Variants in DENND3 observed in about 807,000 individuals in gnomAD.
The protein encoded by DENND3 is DENN domain-containing protein 3.
In DENND3, 88 loss-of-function variants were observed where a neutral mutation model predicts 135.1. The ratio of observed to expected loss-of-function variants is 0.65; its 90% CI spans 0.55 to 0.78. DENND3 has a LOEUF of 0.78. Among genes scored for constraint, DENND3 ranks in the 30% least tolerant of loss-of-function variants. DENND3 has a pLI of 0.00. For missense variants in DENND3, 1,392 were observed against 1,688.4 expected (o/e 0.82, Z 3.08); for synonymous variants, 693 against 712.3 (o/e 0.97, Z 0.43).
intron 17 of DENND3, 138 bp from the exon 18 acceptor site, chr8:141,185,001 A>AGAGG: frequency 9.0e-7 from 1 of 1,109,414 alleles, no homozygotes. Flanking sequence ...CTGCCTGGGC[A>AGAGG]CGTCTTTGTA....
chr8:141,193,894 C>G, intron 22 of DENND3, 139 bp from the exon 23 acceptor site: 1 of 964,974 alleles, frequency 1.0e-6, no homozygotes, highest in East Asian at 2.6e-5. Flanking sequence ...GCGGCCCTGA[C>G]CCTCAGGCGG....
At chr8:141,136,388 G>A in intron 1 of DENND3, 121 bp from the exon 2 acceptor site, 1 of 1,054,750 alleles carries the variant, frequency 9.5e-7, no homozygotes, top group Non-Finnish European at 1.3e-6. Context: ...AGGAGCCTGA[G>A]GCGCCAGTGT....
chr8:141,190,050 T>G (rs1204323804), intron 19 of DENND3, among the ~76,000 whole-genome samples: 1 of 152,206 alleles, frequency 6.6e-6, no homozygotes, highest in Non-Finnish European at 1.5e-5. Context: ...CCGAGTCAGT[T>G]ACATTTGAGC....
chr8:141,132,869 C>A (rs1420291326), intron 1 of DENND3, among the ~76,000 whole-genome samples: 1 of 152,172 alleles, frequency 6.6e-6, no homozygotes, highest in Admixed American at 6.5e-5. Flanking sequence ...TCAGTCCAGG[C>A]TGAGCATGCC....
In DENND3 at chr8:141,138,573, A is replaced by G. The variant is rs555582462; in HGVS notation, c.501+436A>G. On this transcript the variant is annotated intron_variant, in intron 3 of 22. Coordinates refer to ENST00000519811, the MANE Select transcript of DENND3 (RefSeq NM_001352890.3). The surrounding 1 kb of genome is among the most constrained non-coding windows in gnomAD (Gnocchi z 4.8). ...GCTAATTTTTGTGTTTTTAGTGGAG[A>G]CGGGGTTTCACCATGTTGGCCGGGC... Among the ~76,000 whole-genome samples, 9 of 151,918 alleles carry G rather than the reference A, an allele frequency of 5.9e-5. 1 individual carries two copies. In the South Asian group the frequency reaches 1.7e-3, roughly 28 times the overall value.
chr8:141,179,588 C>CA (rs1161192310), intron 16 of DENND3, among the ~76,000 whole-genome samples: 3 of 152,208 alleles, frequency 2.0e-5, no homozygotes, highest in African/African-American at 4.8e-5. Flanking sequence ...TGGAAGGTCT[C>CA]AGACTGTACG....
At position 141,195,118 on chromosome 8, in the gene DENND3, ATGTGTACGCGCAGCATGCTATACTG is replaced by A. The variant is rs1310294524; in HGVS notation, c.*886_*910del. On this transcript the variant is annotated 3_prime_UTR_variant, in exon 23 of 23. Transcript: ENST00000519811. ...CCCTGAATCCGTGTGCACACTGCGTATGTGTACGCGCAGCATGCTATACTGAACTCAACAAGATCTTGGCTGTACA... is the reference window on the plus strand; with the variant it reads ...CCCTGAATCCGTGTGCACACTGCGTAAACTCAACAAGATCTTGGCTGTACA... The A allele has an allele frequency of 6.6e-6, 1 of 152,264 alleles. No homozygotes were observed. Among genetic ancestry groups the A allele is most frequent in the Non-Finnish European group, 1.5e-5 (1 of 68,072 alleles). The allele number at this position is 152,264 out of a possible 1,614,324, so 9.4% of individuals were successfully genotyped here. A position where few individuals can be genotyped will look rare whatever the true frequency, so the allele number is the denominator to read the frequency against.
chr8:141,166,357 C>T lies in DENND3; in HGVS notation c.1721C>T (p.Thr574Met), dbSNP rs148369529. 2.8e-5 allele frequency: 45 copies of T among 1,612,956 alleles called. No homozygotes were observed. The highest frequency in any genetic ancestry group is 1.6e-4 in the Middle Eastern group (1 of 6,082). ...CCCAGGAACTCCTCGCTCCGGCTGA[C>T]GGACACCGCAGGCTGTAGGGGCAGC... ...LAPRNSSLRL[T>M]DTAGCRGSSA... The change falls in exon 12 of 23, where the codon ACG (threonine) becomes ATG (methionine). Residue 574 changes from threonine (T) to methionine (M), a missense_variant. Transcript: ENST00000519811. This position sits in a 1 kb window ranked among gnomAD's most constrained non-coding sequence, Gnocchi z 4.3.
At chr8:141,165,457 ACTT>A (rs200612358) in intron 11 of DENND3, among the ~76,000 whole-genome samples, 168 bp downstream of exon 11, 1,543 of 150,074 alleles carry the variant, frequency 0.01, 14 homozygotes, top group African/African-American at 0.036. Context: ...CCATGTTTCT[ACTT>A]CTTCTTTTTT....
chr8:141,141,468 G>A lies in DENND3; in HGVS notation c.623+144G>A. On this transcript the variant is annotated intron_variant, in intron 4 of 22. Transcript: ENST00000519811. The surrounding 1 kb of genome is among the most constrained non-coding windows in gnomAD (Gnocchi z 5.3). The stretch of plus-strand genomic sequence containing the variant: ...GTGAGCCGGGGGACCGGGCGCTGGG[G>A]GCAGTAGGAGGGGCAGTTCTCTGTG... 2.1e-6 allele frequency: 2 copies of A among 969,120 alleles called. No individual in the cohort carries two copies. Among genetic ancestry groups the A allele is most frequent in the Non-Finnish European group, 1.5e-6 (1 of 657,062 alleles). The allele number at this position is 969,120 out of a possible 1,614,324, so 60.0% of individuals were successfully genotyped here.
intron 17 of DENND3, among the ~76,000 whole-genome samples, chr8:141,183,421 T>A (rs1171096397): frequency 1.8e-5 from 2 of 108,700 alleles, no homozygotes; most frequent in African/African-American, 2.2e-4. Context: ...ATTTTTGTAT[T>A]TTTTTTTTTT....
At position 141,188,738 on chromosome 8, in the gene DENND3, C is replaced by T. The variant is rs573096471; in HGVS notation, c.3085-248C>T. The T allele has an allele frequency of 9.6e-4, 445 of 465,420 alleles. 2 individuals carry two copies. The highest frequency in any genetic ancestry group is 8.1e-3 in the African/African-American group (394 of 48,852). 28.8% of individuals were successfully genotyped at this position (465,420 alleles called of 1,614,324 possible). A position where few individuals can be genotyped will look rare whatever the true frequency, so the allele number is the denominator to read the frequency against. The stretch of plus-strand genomic sequence containing the variant: ...TGACAGTGCTGGCGGCCGTGGGTTT[C>T]GTGTTAATGAATCAATCATACGTAG... On this transcript the variant is annotated intron_variant, in intron 18 of 22. Transcript: ENST00000519811.
At chr8:141,162,861 C>G (rs1044292077) in intron 9 of DENND3, among the ~76,000 whole-genome samples, 10 of 152,196 alleles carry the variant, frequency 6.6e-5, no homozygotes, top group Non-Finnish European at 1.2e-4. Context: ...TTGCAGTGAG[C>G]CAAGATTGTG....
In DENND3 at chr8:141,130,128, T is replaced by A. The variant is rs985276884; in HGVS notation, c.102+1319T>A. On this transcript the variant is annotated intron_variant, in intron 1 of 22. Coordinates refer to ENST00000519811, the MANE Select transcript of DENND3 (RefSeq NM_001352890.3). The surrounding 1 kb of genome is among the most constrained non-coding windows in gnomAD (Gnocchi z 4.2). ...TTGAACGTCTTTCCTCTGGGGCAGT[T>A]ACAACATGGGTGTTAGTTGCTTGGT... is the stretch of plus-strand genomic sequence containing the variant. Among the ~76,000 whole-genome samples, 6 of 152,214 alleles carry A rather than the reference T, an allele frequency of 3.9e-5. No individual in the cohort carries two copies. The highest frequency in any genetic ancestry group is 1.4e-4 in the African/African-American group (6 of 41,448).
At chr8:141,179,258 G>A (rs761843847) in intron 16 of DENND3, among the ~76,000 whole-genome samples, 2 of 152,240 alleles carry the variant, frequency 1.3e-5, no homozygotes, top group Non-Finnish European at 2.9e-5. Context: ...GCTTGAAGGA[G>A]CTTTTGTCTG....
Position 141,137,536 on chromosome 8 carries a change from T to C in DENND3, c.386-486T>C, listed in dbSNP as rs1468541790. On this transcript the variant is annotated intron_variant, in intron 2 of 22. Transcript: ENST00000519811. The surrounding 1 kb of genome is among the most constrained non-coding windows in gnomAD (Gnocchi z 4.1). ...AGCCTCTCCCTTCCACCTCCCGTTTTCCGTTTCACTGGGGCAAGAAGCACA... is the reference window on the plus strand; with the variant it reads ...AGCCTCTCCCTTCCACCTCCCGTTTCCCGTTTCACTGGGGCAAGAAGCACA... Among the ~76,000 whole-genome samples, 1 of 152,206 alleles carries C rather than the reference T, an allele frequency of 6.6e-6. No homozygotes were observed. Among genetic ancestry groups the C allele is most frequent in the Non-Finnish European group, 1.5e-5 (1 of 68,038 alleles).
chr8:141,168,263 T>TC lies in DENND3; in HGVS notation c.2016dup (p.Thr673HisfsTer2), dbSNP rs758805804. The TC allele has an allele frequency of 6.2e-7, 1 of 1,614,178 alleles. No homozygotes were observed. Among genetic ancestry groups the TC allele is most frequent in the South Asian group, 1.1e-5 (1 of 91,086 alleles). ...TGTATAAAACAGACATACGGATCTT[T>TC]CCCACTGATTTGGTGAAGAGGACGG... On this transcript the variant is annotated frameshift_variant, in exon 13 of 23. Transcript: ENST00000519811. LOFTEE classifies it high-confidence loss of function. The surrounding 1 kb of genome is among the most constrained non-coding windows in gnomAD (Gnocchi z 6.2).
chr8:141,193,701 T>C, intron 22 of DENND3: 1 of 388,658 alleles, frequency 2.6e-6, no homozygotes, highest in Non-Finnish European at 4.8e-6. Flanking sequence ...GATATTTCAG[T>C]ATACATTGTG....
chr8:141,158,926 G>GT (rs1819787644), intron 8 of DENND3, among the ~76,000 whole-genome samples: 1 of 152,224 alleles, frequency 6.6e-6, no homozygotes, highest in Admixed American at 6.5e-5. Context: ...AGAAGATGCA[G>GT]TAAGAGAAGC....
Sources: gnomAD v4.1 joint callset for allele counts (sites outside exome capture counted in the v4.1 genomes callset) on GRCh38, gnomAD v4.1.1 for gene constraint, Gnocchi (gnomAD v3.1) non-coding constraint, MANE v1.5 for transcripts, NCBI Gene and HGNC (gene_info 2026-07-23, HGNC 2026-07-21) for gene names.